Variants in PPP2R2A observed in about 807,000 individuals in gnomAD.
PPP2R2A encodes serine/threonine-protein phosphatase 2A 55 kDa regulatory subunit B alpha isoform.
PPP2R2A carries 9 observed loss-of-function variants against 53.2 expected under a neutral mutation model. The ratio of observed to expected loss-of-function variants is 0.17; its 90% CI spans 0.10 to 0.30. The LOEUF is 0.30. PPP2R2A is among the 10% of genes least tolerant of loss of function. The pLI is 1.00. For synonymous variants in PPP2R2A, 169 were observed against 174.2 expected (o/e 0.97, Z 0.23); for missense variants, 235 against 534.6 (o/e 0.44, Z 5.53).
chr8:26,293,815 A>T, intron 2 of PPP2R2A, 75 bp downstream of exon 2: 1 of 1,283,108 alleles, frequency 7.8e-7, no homozygotes, highest in Non-Finnish European at 1.1e-6. Context: ...ATTTCCTTGA[A>T]GCCGAGACTG....
chr8:26,326,585 A>G (rs1442440328), intron 2 of PPP2R2A, among the ~76,000 whole-genome samples: 3 of 152,154 alleles, frequency 2.0e-5, no homozygotes, highest in Non-Finnish European at 4.4e-5. Context: ...CTAATTTGTA[A>G]AGATTTTAGG....
In PPP2R2A at chr8:26,355,650, G is replaced by A. The variant is rs183674536; in HGVS notation, c.346+1017G>A. ...GAGGCTGAGGCGGGTGGATCACGAG[G>A]TCAGGAGATTGAGACCATCCTGGCT... On this transcript the variant is annotated intron_variant, in intron 4 of 9. Coordinates refer to ENST00000380737, the MANE Select transcript of PPP2R2A (RefSeq NM_002717.4). Among the ~76,000 whole-genome samples the A allele has an allele frequency of 8.3e-4, 126 of 152,192 alleles. 2 individuals are homozygous for A. The East Asian group carries it at 0.024, about 29-fold the overall frequency.
intron 2 of PPP2R2A, among the ~76,000 whole-genome samples, chr8:26,318,966 CTT>C (rs1161632873): frequency 1.3e-5 from 2 of 152,256 alleles, no homozygotes; most frequent in African/African-American, 2.4e-5. Flanking sequence ...ATCCAGGACT[CTT>C]TTCATCTTCC....
chr8:26,349,333 A>G (rs150976212), intron 3 of PPP2R2A, among the ~76,000 whole-genome samples: 96 of 152,222 alleles, frequency 6.3e-4, no homozygotes, highest in African/African-American at 1.9e-3. Context: ...TGTACTGTCA[A>G]TGTTTTCTCA....
At chr8:26,305,369 A>G (rs1329080324) in intron 2 of PPP2R2A, among the ~76,000 whole-genome samples, 1 of 152,084 alleles carries the variant, frequency 6.6e-6, no homozygotes, top group Non-Finnish European at 1.5e-5. Flanking sequence ...TTTTATATAT[A>G]TGGGGTTCGG....
intron 2 of PPP2R2A, chr8:26,333,494 T>C (rs1243355736): frequency 1.6e-6 from 2 of 1,228,452 alleles, no homozygotes; most frequent in South Asian, 2.7e-5. Context: ...AGATCACTTA[T>C]TTGAGACATA....
intron 9 of PPP2R2A, among the ~76,000 whole-genome samples, chr8:26,369,379 A>T (rs1805548966): frequency 6.7e-6 from 1 of 148,894 alleles, no homozygotes; most frequent in Admixed American, 6.7e-5. Context: ...GGCACGTGCC[A>T]CTACACCCAG....
chr8:26,336,531 C>G (rs1030779764), intron 2 of PPP2R2A, among the ~76,000 whole-genome samples: 3 of 152,076 alleles, frequency 2.0e-5, no homozygotes, highest in African/African-American at 4.8e-5. Flanking sequence ...TTAATCATCT[C>G]TAGGTTTTAC....
rs1329956416 is a variant in PPP2R2A at position 26,354,854 on chromosome 8, G to T, written c.346+221G>T. On this transcript the variant is annotated intron_variant, in intron 4 of 9. Transcript: ENST00000380737. The surrounding 1 kb of genome is among the most constrained non-coding windows in gnomAD (Gnocchi z 4.6). ...TTGTTTACTACACCTCCAATTTGTA[G>T]TGAAAAGAATGGGCTGCTATACCAT... Among the ~76,000 whole-genome samples the T allele has an allele frequency of 6.6e-6, 1 of 152,166 alleles. No homozygotes were observed. The highest frequency in any genetic ancestry group is 1.5e-5 in the Non-Finnish European group (1 of 68,028).
intron 2 of PPP2R2A, among the ~76,000 whole-genome samples, chr8:26,297,787 A>G (rs1312964514): frequency 7.9e-5 from 12 of 152,272 alleles, no homozygotes; most frequent in Admixed American, 2.0e-4. Context: ...TATTACTTGA[A>G]CCTTCATATT....
chr8:26,326,129 G>T (rs1803073592), intron 2 of PPP2R2A, among the ~76,000 whole-genome samples: 1 of 152,212 alleles, frequency 6.6e-6, no homozygotes, highest in South Asian at 2.1e-4. Flanking sequence ...GAGCCACCAT[G>T]TTGGCTTGTT....
At chr8:26,318,119 AG>A (rs1802649860) in intron 2 of PPP2R2A, among the ~76,000 whole-genome samples, 1 of 152,162 alleles carries the variant, frequency 6.6e-6, no homozygotes. Flanking sequence ...CCATTACTAA[AG>A]GAGAAAGGGG....
rs900439896 is a variant in PPP2R2A, at chr8:26,362,470, A to G, written c.638-214A>G. Among the ~76,000 whole-genome samples, 1 of 152,082 alleles carries G rather than the reference A, an allele frequency of 6.6e-6. No homozygotes were observed. The highest frequency in any genetic ancestry group is 2.4e-5 in the African/African-American group (1 of 41,428). ...CAGTGAGCCGAGATTGCGCCACTGC[A>G]CTCCAGCCTGGGTGACAGAGTGAAA... On this transcript the variant is annotated intron_variant, in intron 6 of 9. Coordinates refer to ENST00000380737, the MANE Select transcript of PPP2R2A (RefSeq NM_002717.4). This position sits in a 1 kb window ranked among gnomAD's most constrained non-coding sequence, Gnocchi z 4.4.
chr8:26,356,840 TCCTC>T (rs1804807002), intron 4 of PPP2R2A, among the ~76,000 whole-genome samples: 1 of 152,202 alleles, frequency 6.6e-6, no homozygotes, highest in East Asian at 1.9e-4. Flanking sequence ...CTTCTGACAC[TCCTC>T]AGTTCATGGC....
chr8:26,322,209 T>A (rs1027324772), intron 2 of PPP2R2A, among the ~76,000 whole-genome samples: 15 of 152,310 alleles, frequency 9.8e-5, no homozygotes, highest in African/African-American at 3.6e-4. Flanking sequence ...AATTTGTGAC[T>A]CTCTGGAGTC....
At position 26,310,057 on chromosome 8, in the gene PPP2R2A, C is replaced by T. The variant is rs113630918; in HGVS notation, c.82+16317C>T. On this transcript the variant is annotated intron_variant, in intron 2 of 9. Coordinates refer to ENST00000380737, the MANE Select transcript of PPP2R2A (RefSeq NM_002717.4). ...TAGCACTTTGGGAGGCTGAGGCGGG[C>T]GGATCACGAGGTCAAGATATCTAGA... Among the ~76,000 whole-genome samples, 38 of 149,864 alleles carry T rather than the reference C, an allele frequency of 2.5e-4. 1 individual carries two copies. Among genetic ancestry groups the T allele is most frequent in the Middle Eastern group, 3.5e-3 (1 of 284 alleles).
At chr8:26,333,882 C>CT (rs372471303) in intron 2 of PPP2R2A, among the ~76,000 whole-genome samples, 12 of 152,280 alleles carry the variant, frequency 7.9e-5, no homozygotes, top group African/African-American at 2.9e-4. Context: ...AGAGTGAAAC[C>CT]TGCCTGGGTG....
chr8:26,364,655 A>G (rs1805274865), intron 8 of PPP2R2A, among the ~76,000 whole-genome samples: 1 of 152,260 alleles, frequency 6.6e-6, no homozygotes, highest in Admixed American at 6.5e-5. Flanking sequence ...TCTGACAAAC[A>G]TAAACGAAGA....
chr8:26,312,193 A>G (rs997254501), intron 2 of PPP2R2A, among the ~76,000 whole-genome samples: 3 of 152,250 alleles, frequency 2.0e-5, no homozygotes, highest in Non-Finnish European at 4.4e-5. Context: ...TTATTATACC[A>G]GTGAACATGC....
Sources: allele counts gnomAD v4.1 joint callset (sites outside exome capture counted in the v4.1 genomes callset), GRCh38; gene constraint gnomAD v4.1.1; non-coding constraint Gnocchi (gnomAD v3.1); transcripts MANE v1.5; gene names NCBI Gene and HGNC (gene_info 2026-07-23, HGNC 2026-07-21).